RGS5: variants seen among roughly 807,000 people sequenced by gnomAD.
RGS5 encodes regulator of G-protein signalling 5.
RGS5 carries 20 observed loss-of-function variants against 18.9 expected under a neutral mutation model. The observed-to-expected ratio is 1.06, with a 90% CI of 0.74 to 1.54. RGS5 has a LOEUF of 1.54. Among genes scored for constraint, RGS5 ranks in the 40% most tolerant of loss-of-function variants. The pLI, the probability that RGS5 is intolerant of heterozygous loss-of-function variation, is 0.00. For missense variants in RGS5, 201 were observed against 211.8 expected, an observed-to-expected ratio of 0.95 and a Z score of 0.32; for synonymous variants, 57 against 76.2, an observed-to-expected ratio of 0.75 and a Z score of 1.31.
chr1:163,298,629 G>C (rs778185518), intron 2 of RGS5, among the ~76,000 whole-genome samples: 1 of 152,136 alleles, frequency 6.6e-6, no homozygotes. Flanking sequence ...ATCAGAAGAA[G>C]AGGTAATGGA....
At chr1:163,286,708 A>AT (rs1264120702) in intron 2 of RGS5, among the ~76,000 whole-genome samples, 2 of 151,018 alleles carry the variant, frequency 1.3e-5, no homozygotes, top group Non-Finnish European at 3.0e-5. Context: ...TTTATCTTCC[A>AT]TTTTTTTCTG....
chr1:163,144,954 TG>T lies in RGS5; in HGVS notation c.*2387del, dbSNP rs1246102647. 1.2e-4 allele frequency: 18 copies of T among 152,212 alleles called. No homozygotes were observed. The highest frequency in any genetic ancestry group is 4.3e-4 in the African/African-American group (18 of 41,456). The allele number at this position is 152,212 out of a possible 1,614,324, so 9.4% of individuals were successfully genotyped here. On this transcript the variant is annotated 3_prime_UTR_variant, in exon 5 of 5. Transcript: ENST00000313961. ...ATATGTGTAGGAATACAATTTTAAATGTAAGATTATATAGATGTAGATATAG... is the reference window on the plus strand; with the variant it reads ...ATATGTGTAGGAATACAATTTTAAATTAAGATTATATAGATGTAGATATAG...
chr1:163,279,336 G>A (rs12726674), intron 2 of RGS5, among the ~76,000 whole-genome samples: 22,440 of 151,692 alleles, frequency 0.15, 1,974 homozygotes, highest in Non-Finnish European at 0.19. Flanking sequence ...GGATCACAAT[G>A]GAATAAAACT....
Position 163,144,546 on chromosome 1 carries a change from C to T in RGS5, c.*2796G>A, listed in dbSNP as rs1015873547. 6 of 152,508 alleles carry T rather than the reference C, an allele frequency of 3.9e-5. No individual in the cohort carries two copies. Among genetic ancestry groups the T allele is most frequent in the East Asian group, 1.9e-4 (1 of 5,178 alleles). 9.4% of individuals were successfully genotyped at this position (152,508 alleles called of 1,614,324 possible). On this transcript the variant is annotated 3_prime_UTR_variant, in exon 5 of 5. Transcript: ENST00000313961. ...CTCAATTCACTCCCAACAGTAGTTA[C>T]GTTTTCACAGGGGAGGAAAACGCCA...
At chr1:163,207,644 A>G (rs960726327), upstream of RGS5, among the ~76,000 whole-genome samples, 1 of 152,206 alleles carries the variant, frequency 6.6e-6, no homozygotes, top group African/African-American at 2.4e-5. Context: ...CATTTTTTAA[A>G]CAACTTTACT....
chr1:163,297,816 T>A (rs1649458865), intron 2 of RGS5, among the ~76,000 whole-genome samples: 1 of 152,136 alleles, frequency 6.6e-6, no homozygotes, highest in Non-Finnish European at 1.5e-5. Context: ...ATATTCCCAA[T>A]AGTTTCACAA....
At chr1:163,147,966 T>TCAGG (rs1657218503) in intron 4 of RGS5, among the ~76,000 whole-genome samples, 1 of 137,876 alleles carries the variant, frequency 7.3e-6, no homozygotes, top group African/African-American at 2.7e-5. Context: ...GTTCTGTCAC[T>TCAGG]CAGGCAGGCT....
chr1:163,273,222 G>C (rs1648766427), intron 2 of RGS5, among the ~76,000 whole-genome samples: 2 of 152,054 alleles, frequency 1.3e-5, no homozygotes, highest in South Asian at 4.1e-4. Flanking sequence ...TCTTTGGGTG[G>C]AGCGTTCTAT....
chr1:163,223,823 T>C (rs190088494), intron 2 of RGS5, among the ~76,000 whole-genome samples: 55 of 152,332 alleles, frequency 3.6e-4, no homozygotes, highest in African/African-American at 1.3e-3. Flanking sequence ...CAGGTCAGAC[T>C]TCATACTTGC....
At chr1:163,177,774 G>A (rs1030442270) in intron 1 of RGS5, among the ~76,000 whole-genome samples, 1 of 152,144 alleles carries the variant, frequency 6.6e-6, no homozygotes, top group Non-Finnish European at 1.5e-5. Flanking sequence ...AATGTATCGG[G>A]TGTTAATGCA....
At chr1:163,280,045 A>G (rs1444066659) in intron 2 of RGS5, among the ~76,000 whole-genome samples, 1 of 152,122 alleles carries the variant, frequency 6.6e-6, no homozygotes, top group Non-Finnish European at 1.5e-5. Flanking sequence ...AAAGTCCAAG[A>G]CTGGATGGCT....
At chr1:163,164,540 C>T (rs1162534791) in intron 2 of RGS5, among the ~76,000 whole-genome samples, 1 of 152,158 alleles carries the variant, frequency 6.6e-6, no homozygotes, top group African/African-American at 2.4e-5. Context: ...CACTCACTGC[C>T]GAAGGGTATA....
intron 2 of RGS5, 88 bp downstream of exon 2, chr1:163,168,170 G>A (rs1275211014): frequency 1.1e-6 from 1 of 931,188 alleles, no homozygotes; most frequent in Non-Finnish European, 1.7e-6. Context: ...ATTGAAGGGG[G>A]TAGTTCTACA....
chr1:163,244,309 T>C (rs1210037768), intron 2 of RGS5, among the ~76,000 whole-genome samples: 1 of 152,228 alleles, frequency 6.6e-6, no homozygotes, highest in Non-Finnish European at 1.5e-5. Flanking sequence ...TTCCCAGAAA[T>C]TACTTCAATG....
intron 2 of RGS5, among the ~76,000 whole-genome samples, chr1:163,250,020 A>C (rs1266150275): frequency 6.6e-6 from 1 of 152,148 alleles, no homozygotes; most frequent in East Asian, 1.9e-4. Flanking sequence ...TCTTAGACTA[A>C]TATGGGCTTG....
intron 2 of RGS5, among the ~76,000 whole-genome samples, chr1:163,302,002 G>GATTT (rs1649563991): frequency 7.2e-6 from 1 of 139,484 alleles, no homozygotes; most frequent in South Asian, 2.2e-4. Context: ...AATTTTTCCT[G>GATTT]TTTTTTTTTT....
intron 1 of RGS5, chr1:163,321,277 T>C (rs956839521): frequency 6.6e-6 from 1 of 152,230 alleles, no homozygotes; most frequent in South Asian, 2.1e-4. Flanking sequence ...GTATAACTTC[T>C]AACAAATCAC....
intron 1 of RGS5, among the ~76,000 whole-genome samples, chr1:163,185,910 A>G (rs1215547683): frequency 3.9e-5 from 6 of 152,160 alleles, no homozygotes; most frequent in Non-Finnish European, 8.8e-5. Flanking sequence ...GCAAACATTG[A>G]TGGGGTTAAA....
At chr1:163,296,188 T>A (rs1649415291) in intron 2 of RGS5, among the ~76,000 whole-genome samples, 1 of 152,166 alleles carries the variant, frequency 6.6e-6, no homozygotes, top group African/African-American at 2.4e-5. Flanking sequence ...TAAACTATTC[T>A]TACTGCAACT....
Sources: gnomAD v4.1 joint callset for allele counts (sites outside exome capture counted in the v4.1 genomes callset) on GRCh38, gnomAD v4.1.1 for gene constraint, MANE v1.5 for transcripts, NCBI Gene and HGNC (gene_info 2026-07-23, HGNC 2026-07-21) for gene names.